COL15A1: variants seen among roughly 807,000 people sequenced by gnomAD.
COL15A1 encodes collagen alpha-1(XV) chain.
In COL15A1, 111 loss-of-function variants were observed where a neutral mutation model predicts 165.9. The observed-to-expected ratio is 0.67, with a 90% confidence interval of 0.57 to 0.78. COL15A1 has a LOEUF of 0.78. COL15A1 is among the 30% of genes least tolerant of loss of function. The pLI is 0.00. For synonymous variants in COL15A1, 659 were observed against 674.8 expected (o/e 0.98, Z 0.36); for missense variants, 1,745 against 1,789.7 (o/e 0.98, Z 0.45).
intron 9 of COL15A1, among the ~76,000 whole-genome samples, chr9:99,006,357 G>T (rs1838762436): frequency 6.6e-6 from 1 of 152,234 alleles, no homozygotes; most frequent in African/African-American, 2.4e-5. Flanking sequence ...CCAATGATAG[G>T]CACTGAATGA....
chr9:99,015,449 T>C lies in COL15A1; in HGVS notation c.1386T>C (p.Ala462=), dbSNP rs550619128. The change falls in exon 10 of 42, where the codon GCT becomes GCC. Residue 462 remains alanine, a synonymous_variant. Transcript: ENST00000375001. The part of the protein sequence containing the change: ...GPSSEDSLTT[A]AAATEVSLST... ...GCAGTGAAGACAGTTTAACAACAGC[T>C]GCAGCTGCAACCGAAGTGTCCCTCA... 6.8e-6 allele frequency: 11 copies of C among 1,608,506 alleles called. No homozygotes were observed. In the South Asian group the frequency reaches 1.1e-4, roughly 16 times the overall value.
At chr9:99,036,453 G>A (rs1839303971) in intron 21 of COL15A1, 57 bp downstream of exon 21, 2 of 1,582,564 alleles carry the variant, frequency 1.3e-6, no homozygotes, top group African/African-American at 1.3e-5. Context: ...GCCAAAGGGA[G>A]GAGAAGGTTG....
chr9:99,039,529 A>C (rs117122156), intron 22 of COL15A1, among the ~76,000 whole-genome samples: 2,009 of 152,328 alleles, frequency 0.013, 19 homozygotes, highest in Non-Finnish European at 0.021. Flanking sequence ...AACAAAAAAA[A>C]CCAAAATATA....
chr9:98,963,925 A>G (rs1837906695), intron 2 of COL15A1, among the ~76,000 whole-genome samples: 1 of 152,232 alleles, frequency 6.6e-6, no homozygotes, highest in Admixed American at 6.5e-5. Flanking sequence ...TCATTTGTGA[A>G]TGAACAAATG....
rs1564093620 is a variant in COL15A1, at chr9:99,060,254, ATATT to A, written c.3402+303_3402+306del. ...TATTTTTATATATATATATATATAT[ATATT>A]TTTTTTTTGCTGGATGAGGGGTGGA... On this transcript the variant is annotated intron_variant, in intron 36 of 41. Transcript: ENST00000375001. Among the ~76,000 whole-genome samples, 823 of 140,702 alleles carry A rather than the reference ATATT, an allele frequency of 5.8e-3. 8 individuals carry two copies. Among genetic ancestry groups the A allele is most frequent in the African/African-American group, 0.021 (787 of 36,970 alleles). The allele number at this position is 140,702 out of a possible 152,430, so 92.3% of individuals were successfully genotyped here.
chr9:99,008,640 T>G (rs934630642), intron 9 of COL15A1, among the ~76,000 whole-genome samples: 43 of 152,192 alleles, frequency 2.8e-4, no homozygotes, highest in Non-Finnish European at 1.0e-4. Context: ...GCTGAGTTTC[T>G]CTCTTGTCTC....
At chr9:99,038,533 G>A in intron 21 of COL15A1, 135 bp from the exon 22 acceptor site, 1 of 607,604 alleles carries the variant, frequency 1.6e-6, no homozygotes, top group African/African-American at 1.8e-5. Context: ...GCTGTGTTTG[G>A]CAGTGGGCTG....
At chr9:99,046,532 G>A (rs532070438) in intron 26 of COL15A1, among the ~76,000 whole-genome samples, 14 of 152,294 alleles carry the variant, frequency 9.2e-5, no homozygotes, top group African/African-American at 2.6e-4. Flanking sequence ...TCCTAGTTCC[G>A]CATGGCTAGG....
rs764674198 is a variant in COL15A1, at chr9:98,985,913, C to T, written c.449C>T (p.Ala150Val). The T allele has an allele frequency of 1.2e-6, 2 of 1,613,978 alleles. No homozygotes were observed. The highest frequency in any genetic ancestry group is 8.5e-7 in the Non-Finnish European group (1 of 1,180,042). The change falls in exon 3 of 42, where the codon GCT becomes GTT. Residue 150 changes from alanine (A) to valine (V), a missense_variant. Coordinates refer to ENST00000375001, the MANE Select transcript of COL15A1 (RefSeq NM_001855.5). ...EPGSHVSQEA[A>V]AFSVPVMTHR... ...GGCTCCCATGTGTCCCAAGAGGCTG[C>T]TGCCTTCTCGGTGCCTGTGATGACC...
At chr9:98,966,793 T>TAATAATATTA (rs1837965490) in intron 2 of COL15A1, among the ~76,000 whole-genome samples, 1 of 152,138 alleles carries the variant, frequency 6.6e-6, no homozygotes, top group Admixed American at 6.5e-5. Context: ...TTATTAATAT[T>TAATAATATTA]ATATTATATC....
intron 2 of COL15A1, among the ~76,000 whole-genome samples, chr9:98,958,990 G>A (rs1211042163): frequency 6.6e-6 from 1 of 152,094 alleles, no homozygotes; most frequent in African/African-American, 2.4e-5. Context: ...ATGCAGCTCA[G>A]TTTATGTCTG....
chr9:98,953,129 G>C (rs1013962279), intron 2 of COL15A1, among the ~76,000 whole-genome samples: 5 of 152,186 alleles, frequency 3.3e-5, no homozygotes, highest in Admixed American at 6.5e-5. Flanking sequence ...CTCAATTTAA[G>C]GCATTAATGT....
At position 99,015,437 on chromosome 9, in the gene COL15A1, T is replaced by C; in HGVS notation, c.1374T>C (p.Ser458=). 1 of 1,609,628 alleles carries C rather than the reference T, an allele frequency of 6.2e-7. No individual in the cohort carries two copies. The highest frequency in any genetic ancestry group is 1.1e-5 in the South Asian group (1 of 90,978). ...TTCAGGGTCCAAGCAGTGAAGACAG[T>C]TTAACAACAGCTGCAGCTGCAACCG... is the stretch of plus-strand genomic sequence containing the variant. The part of the protein sequence containing the change: ...EATVGPSSED[S]LTTAAAATEV... Residue 458 remains serine (S), a synonymous_variant, in exon 10 of 42, where the codon AGT becomes AGC. Coordinates refer to ENST00000375001, the MANE Select transcript of COL15A1 (RefSeq NM_001855.5).
rs1231203255 is a variant in COL15A1, at chr9:99,035,080, G to T, written c.2146G>T (p.Val716Phe). The T allele has an allele frequency of 4.3e-6, 7 of 1,610,580 alleles. No homozygotes were observed. Among genetic ancestry groups the T allele is most frequent in the Non-Finnish European group, 5.9e-6 (7 of 1,177,156 alleles). Reference protein sequence around the residue: ...GKKGQAGPPGVMGPPGPPGPP... With the variant: ...GKKGQAGPPGFMGPPGPPGPP... ...AAAGGGACAAGCTGGCCCTCCTGGG[G>T]TCATGGGACCCCCAGGGCCTCCTGG... Residue 716 changes from valine to phenylalanine, a missense_variant, in exon 18 of 42, where the codon GTC becomes TTC. Val to Phe is a conservative substitution (Grantham distance 50). Coordinates refer to ENST00000375001, the MANE Select transcript of COL15A1 (RefSeq NM_001855.5).
At chr9:99,001,299 T>C (rs1279314430) in intron 7 of COL15A1, among the ~76,000 whole-genome samples, 2 of 152,216 alleles carry the variant, frequency 1.3e-5, no homozygotes, top group African/African-American at 4.8e-5. Context: ...CAGAATCAGA[T>C]TAACTGCAGG....
intron 34 of COL15A1, among the ~76,000 whole-genome samples, chr9:99,055,807 G>C (rs1825712904): frequency 6.6e-6 from 1 of 152,218 alleles, no homozygotes; most frequent in Non-Finnish European, 1.5e-5. Context: ...CAGGTGAAAG[G>C]AGAGAAAGTC....
intron 26 of COL15A1, among the ~76,000 whole-genome samples, chr9:99,046,301 A>G (rs928686329): frequency 5.3e-5 from 8 of 152,214 alleles, no homozygotes; most frequent in African/African-American, 1.4e-4. Flanking sequence ...CCTGTTACAC[A>G]AAGTGTAGAC....
chr9:99,068,990 G>T (rs538616587), intron 41 of COL15A1, among the ~76,000 whole-genome samples: 1 of 152,324 alleles, frequency 6.6e-6, no homozygotes, highest in South Asian at 2.1e-4. Context: ...AGCACGCAGT[G>T]GGCACATAAT....
intron 10 of COL15A1, 134 bp from the exon 11 acceptor site, chr9:99,015,842 T>C: frequency 9.3e-7 from 1 of 1,075,692 alleles, no homozygotes; most frequent in Non-Finnish European, 1.4e-6. Context: ...AGAAGGGGTG[T>C]GCTGGGGGTA....
Sources: allele counts gnomAD v4.1 joint callset (sites outside exome capture counted in the v4.1 genomes callset), GRCh38; gene constraint gnomAD v4.1.1; transcripts MANE v1.5; gene names NCBI Gene and HGNC (gene_info 2026-07-23, HGNC 2026-07-21).